Variants in FOXP2 observed in about 807,000 individuals in gnomAD.
The protein encoded by FOXP2 is forkhead box P2.
In FOXP2, 12 loss-of-function variants were observed where a neutral mutation model predicts 115.8. The observed-to-expected ratio is 0.10, with a 90% confidence interval of 0.07 to 0.17. The LOEUF is 0.17. FOXP2 is among the 10% of genes least tolerant of loss of function. FOXP2 has a pLI of 1.00. For missense variants in FOXP2, 629 were observed against 843.5 expected, an observed-to-expected ratio of 0.75 and a Z score of 3.15; for synonymous variants, 328 against 297.7, an observed-to-expected ratio of 1.10 and a Z score of -1.05.
chr7:114,495,318 T>C (rs996715288), intron 2 of FOXP2, among the ~76,000 whole-genome samples: 11 of 152,102 alleles, frequency 7.2e-5, no homozygotes, highest in African/African-American at 2.4e-4. Context: ...AATACAGTAT[T>C]TTCATTAAAA....
In FOXP2 at chr7:114,553,713, T is replaced by C. The variant is rs181340868; in HGVS notation, c.258+19007T>C. Among the ~76,000 whole-genome samples, 14 of 152,224 alleles carry C rather than the reference T, an allele frequency of 9.2e-5. 1 individual carries two copies. The highest frequency in any genetic ancestry group is 5.9e-4 in the Admixed American group (9 of 15,292). On this transcript the variant is annotated intron_variant, in intron 3 of 16. Coordinates refer to ENST00000350908, the MANE Select transcript of FOXP2 (RefSeq NM_014491.4). ...TCCTTTTGATAGCTCTGAGTATGTGTTTGAATACACATAAAAACAAGCTGG... is the reference window on the plus strand; with the variant it reads ...TCCTTTTGATAGCTCTGAGTATGTGCTTGAATACACATAAAAACAAGCTGG...
intron 2 of FOXP2, among the ~76,000 whole-genome samples, chr7:114,375,711 G>A (rs1349321042): frequency 6.6e-6 from 1 of 152,036 alleles, no homozygotes; most frequent in Non-Finnish European, 1.5e-5. Flanking sequence ...CCCAAGCATC[G>A]CCTCTCTCTC....
chr7:114,211,519 C>G (rs186654940), intron 1 of FOXP2, among the ~76,000 whole-genome samples: 1 of 152,156 alleles, frequency 6.6e-6, no homozygotes, highest in South Asian at 2.1e-4. Flanking sequence ...CTAGTCAGTC[C>G]CAATGGGAGA....
chr7:114,439,494 A>AT, intron 2 of FOXP2, among the ~76,000 whole-genome samples: 1 of 152,274 alleles, frequency 6.6e-6, no homozygotes. Context: ...ATCAAATATA[A>AT]ACGTGGTATT....
intron 1 of FOXP2, among the ~76,000 whole-genome samples, chr7:114,271,837 T>G (rs2129173037): frequency 8.2e-6 from 1 of 122,256 alleles, no homozygotes; most frequent in East Asian, 2.2e-4. Flanking sequence ...ATGAAATATA[T>G]AAATATTATT....
At chr7:114,111,325 T>C (rs1268559665) in intron 1 of FOXP2, among the ~76,000 whole-genome samples, 1 of 152,072 alleles carries the variant, frequency 6.6e-6, no homozygotes, top group African/African-American at 2.4e-5. Flanking sequence ...CCTCCTTCCT[T>C]AAAGATTAAA....
chr7:114,170,850 T>C (rs1380282241), intron 1 of FOXP2, among the ~76,000 whole-genome samples: 2 of 152,226 alleles, frequency 1.3e-5, no homozygotes, highest in African/African-American at 4.8e-5. Context: ...CACATGCTGA[T>C]ATAGAAGCTG....
intron 1 of FOXP2, among the ~76,000 whole-genome samples, chr7:114,109,256 T>C (rs1279419803): frequency 6.6e-6 from 1 of 152,098 alleles, no homozygotes; most frequent in African/African-American, 2.4e-5. Context: ...TTGGATTCAA[T>C]GTCATTGATG....
At chr7:114,182,592 A>C (rs1439003967) in intron 1 of FOXP2, among the ~76,000 whole-genome samples, 3 of 151,834 alleles carry the variant, frequency 2.0e-5, no homozygotes, top group Non-Finnish European at 2.9e-5. Flanking sequence ...AAATGAATTG[A>C]ATATAAACAA....
intron 3 of FOXP2, among the ~76,000 whole-genome samples, chr7:114,590,728 G>A (rs1802399036): frequency 6.6e-6 from 1 of 152,106 alleles, no homozygotes; most frequent in Non-Finnish European, 1.5e-5. Flanking sequence ...TTTGAGTTGG[G>A]CAGCGGGGAA....
chr7:114,546,284 T>G (rs1799920428), intron 3 of FOXP2, among the ~76,000 whole-genome samples: 2 of 152,066 alleles, frequency 1.3e-5, no homozygotes, highest in African/African-American at 4.8e-5. Context: ...CCTTCTGATC[T>G]GTTAGTGTCG....
At chr7:114,096,911 CAT>C (rs1169885366) in intron 1 of FOXP2, among the ~76,000 whole-genome samples, 1 of 152,034 alleles carries the variant, frequency 6.6e-6, no homozygotes, top group Non-Finnish European at 1.5e-5. Flanking sequence ...TTTATGTTTA[CAT>C]GTTAACTATT....
intron 2 of FOXP2, among the ~76,000 whole-genome samples, chr7:114,338,297 T>C (rs1797907621): frequency 6.6e-6 from 1 of 150,972 alleles, no homozygotes; most frequent in Non-Finnish European, 1.5e-5. Context: ...GGCAAATGAC[T>C]TCATCATTCA....
rs745456571 is a variant in FOXP2, at chr7:114,691,038, C to T, written c.*1112C>T. ...TAAAGACAGAGGTGAGGACAAAATC[C>T]GCAGTGGAAGTTATGATATGCTAGA... On this transcript the variant is annotated 3_prime_UTR_variant, in exon 17 of 17. Coordinates refer to ENST00000350908, the MANE Select transcript of FOXP2 (RefSeq NM_014491.4). 2.0e-4 allele frequency: 93 copies of T among 453,982 alleles called. No homozygotes were observed. Among genetic ancestry groups the T allele is most frequent in the African/African-American group, 1.8e-3 (88 of 49,972 alleles). The allele number at this position is 453,982 out of a possible 1,614,324, so 28.1% of individuals were successfully genotyped here.
At chr7:114,091,193 C>A (rs982957991) in intron 1 of FOXP2, among the ~76,000 whole-genome samples, 1 of 151,544 alleles carries the variant, frequency 6.6e-6, no homozygotes, top group African/African-American at 2.4e-5. Flanking sequence ...CTAAATTTCC[C>A]AGACAAAACA....
At chr7:114,300,862 T>C (rs1284392281) in intron 2 of FOXP2, among the ~76,000 whole-genome samples, 1 of 152,002 alleles carries the variant, frequency 6.6e-6, no homozygotes, top group Non-Finnish European at 1.5e-5. Flanking sequence ...AGCACTCCTT[T>C]TCATTGTGAG....
chr7:114,690,100 A>G lies in FOXP2; in HGVS notation c.*174A>G. 1.4e-6 allele frequency: 1 copy of G among 729,676 alleles called. No homozygotes were observed. Among genetic ancestry groups the G allele is most frequent in the Non-Finnish European group, 2.4e-6 (1 of 416,254 alleles). 45.2% of individuals were successfully genotyped at this position (729,676 alleles called of 1,614,324 possible). ...CCTTTGGGATTCAGTACCAACAGGC[A>G]AATTGCTTGTTTTCTTCTTCTTCTT... On this transcript the variant is annotated 3_prime_UTR_variant, in exon 17 of 17. Transcript: ENST00000350908.
intron 10 of FOXP2, among the ~76,000 whole-genome samples, chr7:114,657,237 T>G (rs887173574): frequency 3.9e-5 from 6 of 152,144 alleles, no homozygotes; most frequent in Admixed American, 6.6e-5. Flanking sequence ...AGGGGAGTAA[T>G]GAAGGGCACA....
At chr7:114,587,859 T>A (rs1367794594) in intron 3 of FOXP2, among the ~76,000 whole-genome samples, 3 of 59,420 alleles carry the variant, frequency 5.0e-5, no homozygotes, top group African/African-American at 1.6e-4. Context: ...AACTGCTAAT[T>A]GGGTGAATAA....
Sources: allele counts gnomAD v4.1 joint callset (sites outside exome capture counted in the v4.1 genomes callset), GRCh38; gene constraint gnomAD v4.1.1; transcripts MANE v1.5; gene names NCBI Gene and HGNC (gene_info 2026-07-23, HGNC 2026-07-21).